The following NUMA1 variants were observed in gnomAD, a reference collection of about 807,000 sequenced individuals.
NUMA1 encodes the protein SP-H antigen.
NUMA1 carries 62 observed loss-of-function variants against 237.1 expected under a neutral mutation model. The ratio of observed to expected loss-of-function variants is 0.26; its 90% confidence interval spans 0.21 to 0.32. The LOEUF (loss-of-function observed/expected upper bound fraction) is 0.32. Ranked by LOEUF, NUMA1 falls within the 10% of genes least tolerant of loss-of-function variation. The pLI, the probability that NUMA1 is intolerant of heterozygous loss-of-function variation, is 1.00. For synonymous variants in NUMA1, 1,028 were observed against 1,066.1 expected, an observed-to-expected ratio of 0.96 and a Z score of 0.70; for missense variants, 2,533 against 2,666.5, an observed-to-expected ratio of 0.95 and a Z score of 1.10.
chr11:72,003,490 G>C lies in NUMA1; in HGVS notation c.*37C>G. On this transcript the variant is annotated 3_prime_UTR_variant, in exon 27 of 27. Transcript: ENST00000393695. ...CGGAGGACCAGGTGAGGTCAGCATC[G>C]GGGACACAGGTGGGGCCACTCACTG... 1 of 1,608,970 alleles carries C rather than the reference G, an allele frequency of 6.2e-7. No homozygotes were observed. The highest frequency in any genetic ancestry group is 1.7e-5 in the Admixed American group (1 of 60,018).
In NUMA1 at chr11:72,003,386, CG is replaced by C. The variant is rs1955393622; in HGVS notation, c.*140del. On this transcript the variant is annotated 3_prime_UTR_variant, in exon 27 of 27. Transcript: ENST00000393695. ...AAGGACCAGGGACCAGGCCAGGGTG[CG>C]GGCAGGCATCACTGTCTCTAGGGGT... is the stretch of plus-strand genomic sequence containing the variant. 2 of 817,370 alleles carry C rather than the reference CG, an allele frequency of 2.4e-6. No homozygotes were observed. The highest frequency in any genetic ancestry group is 4.2e-6 in the Non-Finnish European group (2 of 475,670). 50.6% of individuals were successfully genotyped at this position (817,370 alleles called of 1,614,324 possible).
At chr11:72,040,445 TACACACACACACACACACAC>T (rs66621771) in intron 2 of NUMA1, among the ~76,000 whole-genome samples, 18,247 of 136,306 alleles carry the variant, frequency 0.13, 1,970 homozygotes, top group African/African-American at 0.18. Flanking sequence ...CGCGTACACA[TACACACACACACACACACAC>T]ACACACACAC....
At chr11:72,075,058 T>TA (rs930049880) in intron 1 of NUMA1, among the ~76,000 whole-genome samples, 1 of 151,170 alleles carries the variant, frequency 6.6e-6, no homozygotes, top group Admixed American at 6.6e-5. Flanking sequence ...AATAAATAAA[T>TA]AAATAAAATA....
At chr11:72,078,354 CTG>C (rs1303282817) in intron 1 of NUMA1, among the ~76,000 whole-genome samples, 1 of 152,230 alleles carries the variant, frequency 6.6e-6, no homozygotes, top group Non-Finnish European at 1.5e-5. Context: ...GCAAAAGTAA[CTG>C]TGGTTTTTGC....
intron 26 of NUMA1, 154 bp from the exon 27 acceptor site, chr11:72,003,692 T>C: frequency 9.4e-7 from 1 of 1,058,708 alleles, no homozygotes; most frequent in South Asian, 1.4e-5. Flanking sequence ...CCTGAGCAGC[T>C]CTGGGTGCTC....
In NUMA1 at chr11:72,005,229, TCA is replaced by T; in HGVS notation, c.5829+2_5829+3del. The T allele has an allele frequency of 1.3e-6, 2 of 1,589,994 alleles. No homozygotes were observed. The highest frequency in any genetic ancestry group is 1.7e-6 in the Non-Finnish European group (2 of 1,169,948). On this transcript the variant is annotated splice_donor_variant and splice_donor_region_variant and intron_variant, in intron 23 of 26. Coordinates refer to ENST00000393695, the MANE Select transcript of NUMA1 (RefSeq NM_006185.4). LOFTEE classifies it high-confidence loss of function. Reference sequence around the variant, plus strand: ...AGGCCCTGCACAGTGACCCCAGGCCTCACCCTGGACTCCAGGGGATAGCAGGT... The same window carrying T: ...AGGCCCTGCACAGTGACCCCAGGCCTCCCTGGACTCCAGGGGATAGCAGGT...
chr11:72,026,959 G>C lies in NUMA1; in HGVS notation c.128+2246C>G, dbSNP rs141682455. 1.9e-4 allele frequency among the ~76,000 whole-genome samples: 29 copies of C among 152,294 alleles called. No homozygotes were observed. In the East Asian group the frequency reaches 5.6e-3, roughly 29 times the overall value. On this transcript the variant is annotated intron_variant, in intron 4 of 26. Transcript: ENST00000393695. Reference sequence around the variant, plus strand: ...ACCTCCAAGCCCCACTTCTACTGCAGCCTAGGTTCAGGCAACACCCTAGAA... The same window carrying C: ...ACCTCCAAGCCCCACTTCTACTGCACCCTAGGTTCAGGCAACACCCTAGAA...
intron 2 of NUMA1, among the ~76,000 whole-genome samples, chr11:72,055,085 A>C (rs1029372322): frequency 6.6e-6 from 1 of 152,128 alleles, no homozygotes; most frequent in Non-Finnish European, 1.5e-5. Flanking sequence ...AGTGACACCA[A>C]TGTCAACAAA....
chr11:72,058,920 G>C (rs1565284933), intron 2 of NUMA1, among the ~76,000 whole-genome samples: 1 of 152,180 alleles, frequency 6.6e-6, no homozygotes, highest in Non-Finnish European at 1.5e-5. Context: ...GGCAAGTGCA[G>C]ACAGGCCCAG....
intron 9 of NUMA1, 42 bp from the exon 10 acceptor site, chr11:72,019,022 G>A (rs768902393): frequency 6.2e-7 from 1 of 1,605,426 alleles, no homozygotes; most frequent in Admixed American, 1.7e-5. Flanking sequence ...AAGCGCCTAA[G>A]ATCTGAAGCA....
At position 72,014,181 on chromosome 11, in the gene NUMA1, G is replaced by C; in HGVS notation, c.3322C>G (p.Gln1108Glu). Residue 1108 changes from glutamine to glutamate, a missense_variant, in exon 15 of 27, where the codon CAA (glutamine) becomes GAA (glutamate). This residue lies in a region of NUMA1 where 1,414 missense variants were observed against 1,508.1 expected (regional missense o/e 0.94). Coordinates refer to ENST00000393695, the MANE Select transcript of NUMA1 (RefSeq NM_006185.4). This position sits in a 1 kb window ranked among gnomAD's most constrained non-coding sequence, Gnocchi z 4.6. The part of the protein sequence containing the change: ...EKEHASGSGA[Q>E]SEAAGRTEPT... ...TCTGTCCTGCCAGCAGCCTCAGATT[G>C]GGCTCCTGAGCCAGATGCGTGCTCC... 1.2e-6 allele frequency: 2 copies of C among 1,613,824 alleles called. No individual in the cohort carries two copies. The highest frequency in any genetic ancestry group is 1.7e-6 in the Non-Finnish European group (2 of 1,180,038).
intron 7 of NUMA1, 68 bp downstream of exon 7, chr11:72,022,271 A>G: frequency 9.7e-7 from 1 of 1,027,034 alleles, no homozygotes; most frequent in Non-Finnish European, 1.5e-6. Flanking sequence ...CTGTTCAAAG[A>G]AAAACAAGTC....
At chr11:72,017,513 T>TA (rs752985681) in intron 13 of NUMA1, 174 bp downstream of exon 13, 2,136 of 591,906 alleles carry the variant, frequency 3.6e-3, no homozygotes, top group Middle Eastern at 4.2e-3. Flanking sequence ...AAAAATAAGT[T>TA]AAAAAAAAAA....
chr11:72,064,335 C>T (rs962993739), intron 2 of NUMA1, among the ~76,000 whole-genome samples: 1 of 151,654 alleles, frequency 6.6e-6, no homozygotes. Context: ...TGATGGCATG[C>T]GCCTGTAGTT....
intron 22 of NUMA1, 77 bp downstream of exon 22, chr11:72,005,958 C>T: frequency 8.0e-7 from 1 of 1,250,176 alleles, no homozygotes; most frequent in African/African-American, 1.5e-5. Context: ...TTTTAAAAAG[C>T]TTTCCTCTTT....
intron 17 of NUMA1, among the ~76,000 whole-genome samples, chr11:72,010,094 T>A (rs1284543281): frequency 6.6e-6 from 1 of 152,126 alleles, no homozygotes; most frequent in Non-Finnish European, 1.5e-5. Flanking sequence ...AGAATAAACA[T>A]TTGTTTATTG....
Position 72,043,866 on chromosome 11 carries a change from C to T in NUMA1, c.-32-7891G>A, listed in dbSNP as rs560314598. 3.9e-5 allele frequency among the ~76,000 whole-genome samples: 6 copies of T among 152,162 alleles called. No individual in the cohort carries two copies. The East Asian group carries it at 5.8e-4, about 15-fold the overall frequency. ...CTAGGGTGGGAGAATTCCTTGAACT[C>T]GGAATGAGCAGAGATCATGCCACTG... On this transcript the variant is annotated intron_variant, in intron 2 of 26. Transcript: ENST00000393695.
At chr11:72,039,638 C>T (rs1371668846) in intron 2 of NUMA1, 1 of 152,288 alleles carries the variant, frequency 6.6e-6, no homozygotes, top group Admixed American at 6.6e-5. Context: ...CCTTCTCCAC[C>T]TGATAGTTCC....
chr11:72,056,281 G>A (rs1391782124), intron 2 of NUMA1, among the ~76,000 whole-genome samples: 1 of 151,076 alleles, frequency 6.6e-6, no homozygotes, highest in Non-Finnish European at 1.5e-5. Flanking sequence ...CTACGATTGT[G>A]CCACTGTACC....
Sources: gnomAD v4.1 joint callset for allele counts (sites outside exome capture counted in the v4.1 genomes callset) on GRCh38, gnomAD v4.1.1 for gene constraint, gnomAD v4.1.1 regional missense constraint, Gnocchi (gnomAD v3.1) non-coding constraint, MANE v1.5 for transcripts, NCBI Gene and HGNC (gene_info 2026-07-23, HGNC 2026-07-21) for gene names.